Variants in NEBL observed in about 807,000 individuals in gnomAD.
NEBL encodes the protein LIM and SH3 protein 2.
A neutral mutation model predicts 140.2 loss-of-function variants in NEBL; 122 were observed. That is an observed-to-expected ratio of 0.87 (90% CI 0.75 to 1.01). The LOEUF (loss-of-function observed/expected upper bound fraction) is 1.01, where lower values mean the gene tolerates loss of function less well. Ranked by LOEUF, NEBL falls within the 50% of genes least tolerant of loss-of-function variation. The probability of loss-of-function intolerance (pLI) is 0.00; values close to 1 mark genes in which losing one functional copy is unlikely to be tolerated. For missense variants in NEBL, 1,365 were observed against 1,231.3 expected (o/e 1.11, Z -1.62); for synonymous variants, 436 against 398.9 (o/e 1.09, Z -1.11).
intron 4 of NEBL, among the ~76,000 whole-genome samples, chr10:20,947,599 G>A (rs562929195): frequency 2.1e-4 from 32 of 151,950 alleles, no homozygotes; most frequent in South Asian, 4.1e-4. Context: ...AAACAGCACT[G>A]ATGAGCTTCA....
At chr10:21,272,124 T>C (rs1332276780) in intron 1 of NEBL, among the ~76,000 whole-genome samples, 18 of 140,812 alleles carry the variant, frequency 1.3e-4, no homozygotes, top group African/African-American at 4.8e-4. Flanking sequence ...GTTAATTTTT[T>C]TTTTTTTTTT....
chr10:20,851,661 T>C (rs1237668449), intron 10 of NEBL, among the ~76,000 whole-genome samples: 1 of 150,448 alleles, frequency 6.6e-6, no homozygotes, highest in African/African-American at 2.4e-5. Flanking sequence ...GGCATGCACC[T>C]GTAATCTCTG....
chr10:21,188,881 C>T (rs917824027), intron 3 of NEBL, among the ~76,000 whole-genome samples: 4 of 152,042 alleles, frequency 2.6e-5, no homozygotes, highest in East Asian at 1.9e-4. Flanking sequence ...TGAGCTACCA[C>T]GTTCGGCTGT....
intron 4 of NEBL, among the ~76,000 whole-genome samples, chr10:20,937,780 C>T (rs1834579558): frequency 6.6e-6 from 1 of 152,188 alleles, no homozygotes; most frequent in African/African-American, 2.4e-5. Context: ...AAACGGCACA[C>T]CAGGAGATCA....
intron 3 of NEBL, among the ~76,000 whole-genome samples, chr10:21,226,050 A>G (rs1842142294): frequency 6.6e-6 from 1 of 151,942 alleles, no homozygotes. Context: ...CAAGTATTGC[A>G]TGTGTCTCAC....
intron 27 of NEBL, among the ~76,000 whole-genome samples, 160 bp from the exon 28 acceptor site, chr10:20,786,083 C>A (rs1387482897): frequency 6.6e-6 from 1 of 152,140 alleles, no homozygotes; most frequent in Non-Finnish European, 1.5e-5. Context: ...TTGTGCTGAT[C>A]TCAAGTTTAC....
intron 2 of NEBL, among the ~76,000 whole-genome samples, chr10:21,250,101 G>T (rs1284776627): frequency 6.6e-6 from 1 of 152,108 alleles, no homozygotes; most frequent in African/African-American, 2.4e-5. Context: ...GGATCTCTGT[G>T]ATGGTTAATA....
At chr10:21,067,066 G>A (rs1011668108) in intron 2 of NEBL, among the ~76,000 whole-genome samples, 10 of 138,132 alleles carry the variant, frequency 7.2e-5, no homozygotes, top group African/African-American at 1.3e-4. Flanking sequence ...TCCGCCTCCC[G>A]GGTTCACGCC....
rs10678454 is a variant in NEBL at position 21,272,118 on chromosome 10, A to ATTTTTTTTTTT, written n.183-20301_183-20291dup. 4.6e-4 allele frequency among the ~76,000 whole-genome samples: 36 copies of ATTTTTTTTTTT among 79,094 alleles called. 2 individuals carry two copies. Among genetic ancestry groups the ATTTTTTTTTTT allele is most frequent in the African/African-American group, 1.9e-3 (33 of 17,676 alleles). The allele number at this position is 79,094 out of a possible 152,430, so 51.9% of individuals were successfully genotyped here. ...AGGCACCCGCCACCACACTTGGTTA[A>ATTTTTTTTTTT]TTTTTTTTTTTTTTTTTTTTTTTTT... On this transcript the variant is annotated intron_variant and non_coding_transcript_variant, in intron 1 of 8. Transcript: ENST00000675702.
At chr10:21,199,261 G>A (rs1242489554) in intron 3 of NEBL, among the ~76,000 whole-genome samples, 2 of 151,744 alleles carry the variant, frequency 1.3e-5, no homozygotes, top group Non-Finnish European at 2.9e-5. Flanking sequence ...TCAAATTCTT[G>A]GACTGAAGCC....
intron 3 of NEBL, among the ~76,000 whole-genome samples, chr10:20,994,448 A>T (rs910980771): frequency 6.6e-6 from 1 of 152,246 alleles, no homozygotes; most frequent in African/African-American, 2.4e-5. Context: ...GCATTAATTA[A>T]TGAATAAGAT....
intron 2 of NEBL, among the ~76,000 whole-genome samples, chr10:21,124,726 G>A (rs1054670291): frequency 6.6e-6 from 1 of 152,240 alleles, no homozygotes; most frequent in East Asian, 1.9e-4. Context: ...GCTGAGGTGG[G>A]AGGATTGCTT....
chr10:21,092,587 T>C (rs1836971063), intron 2 of NEBL, among the ~76,000 whole-genome samples: 1 of 7,144 alleles, frequency 1.4e-4, no homozygotes, highest in Non-Finnish European at 4.2e-4. Flanking sequence ...CTCTATAATT[T>C]AATAATAATA....
intron 3 of NEBL, among the ~76,000 whole-genome samples, chr10:20,962,175 G>T (rs556460971): frequency 6.6e-6 from 1 of 152,304 alleles, no homozygotes; most frequent in East Asian, 1.9e-4. Context: ...ACTGTGAAAG[G>T]AAAGAAAATG....
At chr10:21,214,543 A>G (rs993580217) in intron 3 of NEBL, among the ~76,000 whole-genome samples, 5 of 151,590 alleles carry the variant, frequency 3.3e-5, no homozygotes, top group African/African-American at 1.2e-4. Flanking sequence ...ACATACACAC[A>G]TGCACACACA....
intron 2 of NEBL, among the ~76,000 whole-genome samples, chr10:21,031,447 C>T (rs1380803507): frequency 6.6e-6 from 1 of 152,208 alleles, no homozygotes; most frequent in Admixed American, 6.5e-5. Flanking sequence ...GGACCAAGAC[C>T]ACGCCTATTC....
chr10:20,983,231 G>A (rs1044538449), intron 3 of NEBL, among the ~76,000 whole-genome samples: 1 of 152,158 alleles, frequency 6.6e-6, no homozygotes, highest in Non-Finnish European at 1.5e-5. Flanking sequence ...GAGACTTTAC[G>A]ATTCATTCCA....
intron 3 of NEBL, among the ~76,000 whole-genome samples, chr10:21,220,610 C>T (rs1388335261): frequency 6.6e-6 from 1 of 151,982 alleles, no homozygotes; most frequent in Admixed American, 6.6e-5. Flanking sequence ...TGGATGTTAC[C>T]CCAAAAGCAG....
intron 1 of NEBL, among the ~76,000 whole-genome samples, chr10:21,278,848 C>G (rs79692048): frequency 0.11 from 16,504 of 152,146 alleles, 1,024 homozygotes; most frequent in South Asian, 0.19. Flanking sequence ...CCTCCTCACT[C>G]CCCGCAAGGC....
Sources: gnomAD v4.1 joint callset for allele counts (sites outside exome capture counted in the v4.1 genomes callset) on GRCh38, gnomAD v4.1.1 for gene constraint, MANE v1.5 for transcripts, NCBI Gene and HGNC (gene_info 2026-07-23, HGNC 2026-07-21) for gene names.